The following CDCA3 variants were observed in gnomAD, a reference collection of about 807,000 sequenced individuals.
CDCA3 encodes cell division cycle associated 3.
CDCA3 carries 16 observed loss-of-function variants against 29.1 expected under a neutral mutation model. The ratio of observed to expected loss-of-function variants is 0.55; its 90% CI spans 0.37 to 0.83. The LOEUF (loss-of-function observed/expected upper bound fraction) is 0.83, where lower values mean the gene tolerates loss of function less well. Among genes scored for constraint, CDCA3 ranks in the 40% least tolerant of loss-of-function variants. The pLI is 0.00. For synonymous variants in CDCA3, 88 were observed against 124.5 expected, an observed-to-expected ratio of 0.71 and a Z score of 1.95; for missense variants, 291 against 327.2, an observed-to-expected ratio of 0.89 and a Z score of 0.85.
chr12:6,847,132 C>T, downstream of CDCA3: 1 of 517,038 alleles, frequency 1.9e-6, no homozygotes, highest in East Asian at 3.2e-5. Flanking sequence ...GTCCTCACAG[C>T]CTCTCCCTTA....
Position 6,850,041 on chromosome 12 carries a change from C to G in CDCA3, c.251-183G>C, listed in dbSNP as rs1943802585. On this transcript the variant is annotated intron_variant, in intron 3 of 5. Transcript: ENST00000538862. The surrounding 1 kb of genome is among the most constrained non-coding windows in gnomAD (Gnocchi z 4.7). ...TTTGAGATGGGGCTTGCTCTGTCCC[C>G]CAGGCTGGAGTGCAGTGGCGTGATC... 6.6e-6 allele frequency among the ~76,000 whole-genome samples: 1 copy of G among 151,966 alleles called. No individual in the cohort carries two copies. The highest frequency in any genetic ancestry group is 6.6e-5 in the Admixed American group (1 of 15,250).
chr12:6,849,240 G>C lies in CDCA3; in HGVS notation c.652-42C>G, dbSNP rs2138001892. ...ATGAGTTGGGGGGAGTTGCTGTTCAGAAGAGGGAAGATCTGGGTAAAAGGG... is the reference window on the plus strand; with the variant it reads ...ATGAGTTGGGGGGAGTTGCTGTTCACAAGAGGGAAGATCTGGGTAAAAGGG... On this transcript the variant is annotated intron_variant, in intron 5 of 5. Coordinates refer to ENST00000538862, the MANE Select transcript of CDCA3 (RefSeq NM_031299.7). This position sits in a 1 kb window ranked among gnomAD's most constrained non-coding sequence, Gnocchi z 5.2. 1.9e-6 allele frequency: 3 copies of C among 1,612,076 alleles called. No individual in the cohort carries two copies. The East Asian group carries it at 6.7e-5, about 36-fold the overall frequency.
downstream of CDCA3, chr12:6,845,392 G>A (rs1023001844): frequency 4.4e-5 from 26 of 595,822 alleles, no homozygotes; most frequent in African/African-American, 7.4e-5. Flanking sequence ...CAGAGCGGGC[G>A]AGGGGCATAG....
chr12:6,845,470 C>A, downstream of CDCA3: 1 of 684,658 alleles, frequency 1.5e-6, no homozygotes, highest in Admixed American at 2.2e-5. Flanking sequence ...GAGGGACAGG[C>A]AGGGAGGCTG....
At chr12:6,845,828 T>C, downstream of CDCA3, 3 of 1,548,266 alleles carry the variant, frequency 1.9e-6, no homozygotes, top group Non-Finnish European at 2.7e-6. Context: ...GGCTGCTGCT[T>C]CCTCAGCTGG....
downstream of CDCA3, chr12:6,847,226 C>T (rs1169132425): frequency 5.7e-5 from 19 of 330,974 alleles, no homozygotes; most frequent in Non-Finnish European, 9.7e-5. Flanking sequence ...AGGATTCCTC[C>T]CCCAGAGCCA....
chr12:6,851,078 G>A (rs782762848), intron 1 of CDCA3, 69 bp from the exon 2 acceptor site: 19 of 1,428,976 alleles, frequency 1.3e-5, no homozygotes, highest in Middle Eastern at 5.1e-4. Flanking sequence ...AAACCACCCT[G>A]TCTTCCCAGT....
At chr12:6,846,632 C>T (rs12229775), downstream of CDCA3, 13,865 of 602,518 alleles carry the variant, frequency 0.023, 1,531 homozygotes, top group East Asian at 0.28. Context: ...CACACACACA[C>T]GTACACACAC....
At chr12:6,846,980 T>G, downstream of CDCA3, 1 of 787,878 alleles carries the variant, frequency 1.3e-6, no homozygotes, top group Non-Finnish European at 2.2e-6. Flanking sequence ...AGGTGTTCTC[T>G]TCTATATTCC....
At chr12:6,847,267 G>C (rs1555124985), downstream of CDCA3, 2 of 260,018 alleles carry the variant, frequency 7.7e-6, no homozygotes, top group Non-Finnish European at 1.5e-5. Flanking sequence ...GTGGTATAGG[G>C]CGTTTGGCCC....
rs201851783 is a variant in CDCA3, at chr12:6,849,604, C to G, written c.505G>C (p.Asp169His). The G allele has an allele frequency of 6.2e-7, 1 of 1,613,300 alleles. No homozygotes were observed. ...TETPVASQSS[D>H]KPSRDPETPR... ...GTCTCAGGGTCCCTTGAGGGCTTGT[C>G]GGAGCTCTGGCTGGCCACAGGGGTT... The change falls in exon 4 of 6, where the codon GAC becomes CAC. Residue 169 changes from aspartate to histidine, a missense_variant. By Grantham distance (81) the Asp-to-His change is moderately conservative. Coordinates refer to ENST00000538862, the MANE Select transcript of CDCA3 (RefSeq NM_031299.7). This position sits in a 1 kb window ranked among gnomAD's most constrained non-coding sequence, Gnocchi z 5.2.
downstream of CDCA3, chr12:6,848,103 A>G (rs1555125192): frequency 6.6e-6 from 1 of 152,106 alleles, no homozygotes. Flanking sequence ...TAATCCCAGC[A>G]CTTCAGGAGG....
downstream of CDCA3, chr12:6,845,652 C>T (rs782167184): frequency 2.3e-5 from 37 of 1,613,824 alleles, no homozygotes; most frequent in Admixed American, 3.3e-5. Flanking sequence ...GTTTGACCTG[C>T]GGGCAGACCA....
rs1399528366 is a variant in CDCA3, at chr12:6,849,223, G to A, written c.652-25C>T. On this transcript the variant is annotated intron_variant, in intron 5 of 5. Transcript: ENST00000538862. The surrounding 1 kb of genome is among the most constrained non-coding windows in gnomAD (Gnocchi z 5.2). Reference sequence around the variant, plus strand: ...CCTGAAAACGGCAGTGTATGAGTTGGGGGGAGTTGCTGTTCAGAAGAGGGA... The same window carrying A: ...CCTGAAAACGGCAGTGTATGAGTTGAGGGGAGTTGCTGTTCAGAAGAGGGA... 3 of 1,613,588 alleles carry A rather than the reference G, an allele frequency of 1.9e-6. No homozygotes were observed. The highest frequency in any genetic ancestry group is 3.3e-5 in the Admixed American group (2 of 59,970).
At position 6,849,917 on chromosome 12, in the gene CDCA3, C is replaced by T; in HGVS notation, c.251-59G>A. The T allele has an allele frequency of 7.2e-7, 1 of 1,397,306 alleles. No individual in the cohort carries two copies. Among genetic ancestry groups the T allele is most frequent in the South Asian group, 1.5e-5 (1 of 65,300 alleles). 86.6% of individuals were successfully genotyped at this position (1,397,306 alleles called of 1,614,324 possible). ...CTGATACACAACATTCAGCAAGGAG[C>T]AAAACATACAGAAACCCAGGACTCA... On this transcript the variant is annotated intron_variant, in intron 3 of 5. Coordinates refer to ENST00000538862, the MANE Select transcript of CDCA3 (RefSeq NM_031299.7). The surrounding 1 kb of genome is among the most constrained non-coding windows in gnomAD (Gnocchi z 5.2).
Position 6,850,725 on chromosome 12 carries a change from AATAAGGCTAGG to A in CDCA3, c.120+97_120+107del. 1 of 1,574,312 alleles carries A rather than the reference AATAAGGCTAGG, an allele frequency of 6.4e-7. No homozygotes were observed. Among genetic ancestry groups the A allele is most frequent in the Non-Finnish European group, 8.7e-7 (1 of 1,154,144 alleles). ...CCCCACACAGATTGAGATTGCAGAA[AATAAGGCTAGG>A]ATAAGGGTGGGGTCATGACGGCTCT... On this transcript the variant is annotated intron_variant, in intron 2 of 5. Coordinates refer to ENST00000538862, the MANE Select transcript of CDCA3 (RefSeq NM_031299.7). This position sits in a 1 kb window ranked among gnomAD's most constrained non-coding sequence, Gnocchi z 4.7.
chr12:6,846,883 C>T, downstream of CDCA3: 1 of 1,586,662 alleles, frequency 6.3e-7, no homozygotes, highest in Non-Finnish European at 8.6e-7. Context: ...ACAGCTTCCT[C>T]AAAATCTGGA....
downstream of CDCA3, chr12:6,846,557 C>T (rs1555124753): frequency 2.3e-6 from 1 of 433,082 alleles, no homozygotes; most frequent in Non-Finnish European, 4.2e-6. Context: ...TCTTAGCCTT[C>T]TTCAGGGGTT....
Position 6,850,908 on chromosome 12 carries a change from C to T in CDCA3, c.45G>A (p.Pro15=). 3.7e-6 allele frequency: 6 copies of T among 1,612,696 alleles called. No homozygotes were observed. Among genetic ancestry groups the T allele is most frequent in the Non-Finnish European group, 5.1e-6 (6 of 1,179,676 alleles). The part of the protein sequence containing the change: ...KSVPVTPARP[P]PHNKHLARVA... ...CTCGAGCCAGATGCTTGTTGTGCGG[C>T]GGAGGCCGCGCTGGTGTGACTGGGA... is the stretch of plus-strand genomic sequence containing the variant. The change falls in exon 2 of 6, where the codon CCG becomes CCA. Residue 15 remains proline, a synonymous_variant. Coordinates refer to ENST00000538862, the MANE Select transcript of CDCA3 (RefSeq NM_031299.7). This position sits in a 1 kb window ranked among gnomAD's most constrained non-coding sequence, Gnocchi z 4.7.
Sources: allele counts gnomAD v4.1 joint callset (sites outside exome capture counted in the v4.1 genomes callset), GRCh38; gene constraint gnomAD v4.1.1; non-coding constraint Gnocchi (gnomAD v3.1); transcripts MANE v1.5; gene names NCBI Gene and HGNC (gene_info 2026-07-23, HGNC 2026-07-21).